TMEM108: variants seen among roughly 807,000 people sequenced by gnomAD.
TMEM108 encodes the protein transmembrane protein 108.
TMEM108 carries 12 observed loss-of-function variants against 35.1 expected under a neutral mutation model. The ratio of observed to expected loss-of-function variants is 0.34; its 90% CI spans 0.22 to 0.55. The LOEUF is 0.55. Ranked by LOEUF, TMEM108 falls within the 20% of genes least tolerant of loss-of-function variation. TMEM108 has a pLI of 0.89. For missense variants in TMEM108, 680 were observed against 753.3 expected (o/e 0.90, Z 1.14); for synonymous variants, 287 against 308.6 (o/e 0.93, Z 0.73).
intron 3 of TMEM108, among the ~76,000 whole-genome samples, chr3:133,316,725 T>C (rs1273731861): frequency 1.3e-5 from 2 of 152,246 alleles, no homozygotes; most frequent in Non-Finnish European, 2.9e-5. Context: ...CCAAACAGCC[T>C]AGCTGGCAAG....
chr3:133,208,814 G>T (rs961745343), intron 2 of TMEM108, among the ~76,000 whole-genome samples: 11 of 152,194 alleles, frequency 7.2e-5, no homozygotes, highest in African/African-American at 2.6e-4. Context: ...CTGTGCCTTT[G>T]CATTTTCCAT....
chr3:133,105,575 G>A (rs535384013), intron 2 of TMEM108, among the ~76,000 whole-genome samples: 1 of 152,202 alleles, frequency 6.6e-6, no homozygotes, highest in Non-Finnish European at 1.5e-5. Context: ...GCAGTACCTG[G>A]GTTAGCAGTT....
intron 2 of TMEM108, among the ~76,000 whole-genome samples, chr3:133,080,302 A>G (rs1943793318): frequency 6.6e-6 from 1 of 152,190 alleles, no homozygotes; most frequent in South Asian, 2.1e-4. Context: ...ACTGATGGCT[A>G]TGTGAAGGTG....
At chr3:133,217,659 T>C (rs966325087) in intron 2 of TMEM108, among the ~76,000 whole-genome samples, 7 of 152,184 alleles carry the variant, frequency 4.6e-5, no homozygotes, top group African/African-American at 1.4e-4. Context: ...TATTCAATTT[T>C]CCCAATGCCA....
At chr3:133,248,876 C>T (rs1946424277) in intron 3 of TMEM108, among the ~76,000 whole-genome samples, 1 of 152,174 alleles carries the variant, frequency 6.6e-6, no homozygotes. Flanking sequence ...TAATATACAT[C>T]CACTTAATTG....
intron 2 of TMEM108, among the ~76,000 whole-genome samples, chr3:133,195,258 G>C (rs1031194668): frequency 6.6e-6 from 1 of 152,054 alleles, no homozygotes; most frequent in South Asian, 2.1e-4. Context: ...ATTTTTAAAG[G>C]TAAGCAAACT....
intron 2 of TMEM108, among the ~76,000 whole-genome samples, chr3:133,068,958 A>G (rs934876963): frequency 2.6e-5 from 4 of 152,156 alleles, no homozygotes; most frequent in African/African-American, 7.2e-5. Flanking sequence ...GTAAAAGTTA[A>G]ATAGTAGGGA....
intron 2 of TMEM108, among the ~76,000 whole-genome samples, chr3:133,141,726 A>G (rs935777273): frequency 6.6e-6 from 1 of 152,186 alleles, no homozygotes; most frequent in Admixed American, 6.5e-5. Flanking sequence ...CCCAAACAAT[A>G]TAAAACAAAA....
At chr3:133,078,171 G>A (rs555399039) in intron 2 of TMEM108, among the ~76,000 whole-genome samples, 17 of 42,086 alleles carry the variant, frequency 4.0e-4, no homozygotes, top group Admixed American at 1.4e-3. Flanking sequence ...ACGCGCGCGC[G>A]CGCACACGTG....
intron 4 of TMEM108, among the ~76,000 whole-genome samples, chr3:133,383,846 C>G (rs913779609): frequency 6.6e-6 from 1 of 152,184 alleles, no homozygotes; most frequent in African/African-American, 2.4e-5. Flanking sequence ...ACACCCCACT[C>G]CCTTTGATGT....
intron 3 of TMEM108, among the ~76,000 whole-genome samples, chr3:133,271,553 T>C (rs896544403): frequency 1.3e-5 from 2 of 152,164 alleles, no homozygotes; most frequent in Non-Finnish European, 2.9e-5. Flanking sequence ...GCCCATTAGA[T>C]GCTGTTCACG....
chr3:133,215,013 A>G (rs539721634), intron 2 of TMEM108, among the ~76,000 whole-genome samples: 19 of 152,244 alleles, frequency 1.2e-4, no homozygotes, highest in African/African-American at 4.6e-4. Flanking sequence ...CTGCTATTGT[A>G]TATAGTCTCC....
chr3:133,045,362 AC>A (rs1943323279), intron 1 of TMEM108, among the ~76,000 whole-genome samples: 1 of 152,218 alleles, frequency 6.6e-6, no homozygotes, highest in South Asian at 2.1e-4. Context: ...AGTCAAGGTT[AC>A]TGTGCTAGTG....
chr3:133,265,284 C>T (rs1946682024), intron 3 of TMEM108, among the ~76,000 whole-genome samples: 1 of 152,132 alleles, frequency 6.6e-6, no homozygotes, highest in Non-Finnish European at 1.5e-5. Flanking sequence ...TTTTGTATGT[C>T]TTTGAGGTTT....
chr3:133,326,233 G>GACAT (rs2071331654), intron 3 of TMEM108, among the ~76,000 whole-genome samples: 1 of 152,152 alleles, frequency 6.6e-6, no homozygotes, highest in Admixed American at 6.5e-5. Context: ...CCAGTCTAAT[G>GACAT]GTCAAAACAC....
At chr3:133,329,611 G>A (rs189809359) in intron 3 of TMEM108, among the ~76,000 whole-genome samples, 1 of 152,242 alleles carries the variant, frequency 6.6e-6, no homozygotes, top group Admixed American at 6.5e-5. Context: ...AAGGTCTTTT[G>A]GGAGAGATTT....
At chr3:133,044,899 G>C (rs897731630) in intron 1 of TMEM108, among the ~76,000 whole-genome samples, 2 of 152,088 alleles carry the variant, frequency 1.3e-5, no homozygotes, top group African/African-American at 4.8e-5. Flanking sequence ...TTAGGCTGCA[G>C]TGAGCTGTGA....
In TMEM108 at chr3:133,201,504, CA is replaced by C. The variant is rs1307629283; in HGVS notation, c.-46-27761del. Among the ~76,000 whole-genome samples the C allele has an allele frequency of 2.6e-5, 4 of 151,742 alleles. No individual in the cohort carries two copies. The East Asian group carries it at 7.8e-4, about 29-fold the overall frequency. The stretch of plus-strand genomic sequence containing the variant: ...TGTGATGTTCCCCTCCCTGTGTCCA[CA>C]TATTCTCATAGTTCAACCCCTATTT... On this transcript the variant is annotated intron_variant, in intron 2 of 5. Coordinates refer to ENST00000321871, the MANE Select transcript of TMEM108 (RefSeq NM_023943.4).
intron 4 of TMEM108, among the ~76,000 whole-genome samples, chr3:133,384,384 G>GAGTCAGAATACAGA (rs1324744746): frequency 6.6e-6 from 1 of 152,182 alleles, no homozygotes; most frequent in African/African-American, 2.4e-5. Flanking sequence ...CCTGGTAGAA[G>GAGTCAGAATACAGA]TGGGAGTTGA....
Sources: gnomAD v4.1 joint callset for allele counts (sites outside exome capture counted in the v4.1 genomes callset) on GRCh38, gnomAD v4.1.1 for gene constraint, MANE v1.5 for transcripts, NCBI Gene and HGNC (gene_info 2026-07-23, HGNC 2026-07-21) for gene names.